PLXNA4: variants seen among roughly 807,000 people sequenced by gnomAD.
PLXNA4 encodes the protein plexin-A4.
Under a neutral mutation model 191.8 loss-of-function variants are expected in PLXNA4, and 44 were observed. The ratio of observed to expected loss-of-function variants is 0.23; its 90% CI spans 0.18 to 0.29. The LOEUF is 0.29. Among genes scored for constraint, PLXNA4 ranks in the 10% least tolerant of loss-of-function variants. The pLI is 1.00. For missense variants in PLXNA4, 1,800 were observed against 2,488.8 expected (o/e 0.72, Z 5.89); for synonymous variants, 1,082 against 1,009.5 (o/e 1.07, Z -1.36).
intron 12 of PLXNA4, among the ~76,000 whole-genome samples, chr7:132,200,638 T>A (rs1797402916): frequency 6.6e-6 from 1 of 152,214 alleles, no homozygotes; most frequent in African/African-American, 2.4e-5. Context: ...CCCAAGGGGC[T>A]GCTTTGCTGG....
Position 132,181,568 on chromosome 7 carries a change from G to A in PLXNA4, c.3305C>T (p.Ala1102Val), listed in dbSNP as rs1334269137. Reference protein sequence around the residue: ...TEMTCQAPALALGPDHQSDLT... With the variant: ...TEMTCQAPALVLGPDHQSDLT... The stretch of plus-strand genomic sequence containing the variant: ...GTCTGACTGGTGGTCAGGACCCAGA[G>A]CGAGGGCGGGCGCCTGACAGGTCAT... Residue 1102 changes from alanine (A) to valine (V), a missense_variant, in exon 18 of 32, where the codon GCT becomes GTT. Transcript: ENST00000321063. 4.3e-6 allele frequency: 7 copies of A among 1,614,198 alleles called. No individual in the cohort carries two copies. The highest frequency in any genetic ancestry group is 1.1e-5 in the South Asian group (1 of 91,086).
intron 10 of PLXNA4, among the ~76,000 whole-genome samples, chr7:132,208,585 G>A (rs73499401): frequency 0.13 from 19,804 of 152,144 alleles, 1,361 homozygotes; most frequent in African/African-American, 0.17. Flanking sequence ...GAAGGGAGCC[G>A]CAGCTTCCAG....
chr7:132,139,458 G>A (rs1477126041), intron 30 of PLXNA4, among the ~76,000 whole-genome samples: 2 of 152,158 alleles, frequency 1.3e-5, no homozygotes, highest in Non-Finnish European at 2.9e-5. Flanking sequence ...TTCCCTCTAG[G>A]TTTCCTATAT....
In PLXNA4 at chr7:132,510,026, C is replaced by T. The variant is rs565379615; in HGVS notation, c.-86-1247G>A. Among the ~76,000 whole-genome samples, 7 of 152,312 alleles carry T rather than the reference C, an allele frequency of 4.6e-5. 1 individual carries two copies. In the South Asian group the frequency reaches 1.0e-3, roughly 23 times the overall value. On this transcript the variant is annotated intron_variant, in intron 1 of 31. Transcript: ENST00000321063. ...AATAAATAAACAAATAAATACAAAA[C>T]TCCCCGAGGAACAAGATCACTCCCC... is the stretch of plus-strand genomic sequence containing the variant.
chr7:132,148,600 G>A lies in PLXNA4; in HGVS notation c.4707C>T (p.Asp1569=). The A allele has an allele frequency of 6.2e-7, 1 of 1,614,140 alleles. No homozygotes were observed. Among genetic ancestry groups the A allele is most frequent in the Admixed American group, 1.7e-5 (1 of 60,010 alleles). ...SGARMILQDE[D]ITTKIENDWK... The stretch of plus-strand genomic sequence containing the variant: ...AATCATTCTCAATCTTGGTGGTGAT[G>A]TCTTCATCCTGCAAGATCATCCTTG... The change falls in exon 26 of 32, where the codon GAC becomes GAT. Residue 1569 remains aspartate, a synonymous_variant. Transcript: ENST00000321063.
At chr7:132,604,282 GA>G (rs1200518703) in intron 2 of PLXNA4, among the ~76,000 whole-genome samples, 1 of 152,174 alleles carries the variant, frequency 6.6e-6, no homozygotes, top group African/African-American at 2.4e-5. Context: ...AGCTGATGGG[GA>G]CCCTGTGCTC....
At chr7:132,562,093 C>T (rs1801176741) in intron 1 of PLXNA4, among the ~76,000 whole-genome samples, 1 of 109,186 alleles carries the variant, frequency 9.2e-6, no homozygotes, top group Non-Finnish European at 1.8e-5. Context: ...TCTCCCTCCT[C>T]CTTTCTCCTC....
chr7:132,625,235 G>A (rs1803347567), intron 2 of PLXNA4, among the ~76,000 whole-genome samples: 1 of 152,128 alleles, frequency 6.6e-6, no homozygotes, highest in African/African-American at 2.4e-5. Flanking sequence ...TCTGGGTTGA[G>A]AGTCATGCAA....
intron 24 of PLXNA4, among the ~76,000 whole-genome samples, chr7:132,160,019 AG>A (rs1478267567): frequency 3.3e-5 from 5 of 152,162 alleles, no homozygotes; most frequent in Non-Finnish European, 7.3e-5. Context: ...TGCATACAGG[AG>A]GCAGTGTCTC....
chr7:132,442,816 C>T (rs143640006), intron 3 of PLXNA4, among the ~76,000 whole-genome samples: 5 of 152,194 alleles, frequency 3.3e-5, no homozygotes, highest in Admixed American at 6.5e-5. Flanking sequence ...TCTGTCTCTG[C>T]GATTTACCTT....
intron 3 of PLXNA4, among the ~76,000 whole-genome samples, chr7:132,368,476 C>T (rs1355250894): frequency 6.6e-6 from 1 of 152,152 alleles, no homozygotes; most frequent in East Asian, 1.9e-4. Context: ...CTAAGCCCAG[C>T]TGGCAGGAAC....
chr7:132,259,642 A>C (rs930785196), intron 4 of PLXNA4, among the ~76,000 whole-genome samples: 1 of 152,152 alleles, frequency 6.6e-6, no homozygotes, highest in East Asian at 1.9e-4. Flanking sequence ...GGGGCGGTCC[A>C]TCCACTACCC....
chr7:132,280,919 ATATT>A (rs1000934183), intron 4 of PLXNA4, among the ~76,000 whole-genome samples: 5 of 151,968 alleles, frequency 3.3e-5, no homozygotes, highest in African/African-American at 9.7e-5. Flanking sequence ...CAATGCACAT[ATATT>A]TATTTATAAA....
intron 2 of PLXNA4, among the ~76,000 whole-genome samples, chr7:132,630,774 T>G (rs1297572161): frequency 2.0e-5 from 3 of 152,142 alleles, no homozygotes; most frequent in African/African-American, 7.2e-5. Context: ...GCCTCCCAAA[T>G]AGCTGGGATT....
rs539551243 is a variant in PLXNA4 at position 132,381,937 on chromosome 7, C to T, written c.1372-83715G>A. Among the ~76,000 whole-genome samples the T allele has an allele frequency of 2.6e-4, 40 of 152,272 alleles. No homozygotes were observed. The East Asian group carries it at 6.6e-3, about 25-fold the overall frequency. On this transcript the variant is annotated intron_variant, in intron 3 of 31. Coordinates refer to ENST00000321063, the MANE Select transcript of PLXNA4 (RefSeq NM_020911.2). ...CCCGCAGGCTTCCTGATGTGAGAGA[C>T]GATTCCCACCAGAACTGTTAGTCAT... is the stretch of plus-strand genomic sequence containing the variant.
chr7:132,206,471 T>TGTGTGC lies in PLXNA4; in HGVS notation c.2299-3053_2299-3052insGCACAC, dbSNP rs563340948. On this transcript the variant is annotated intron_variant, in intron 10 of 31. Transcript: ENST00000321063. ...GTGTGTGTGTGTGTGTGTGTGTGTGTGCGCATGTGTGCAAGCATAAATTTT... is the reference window on the plus strand; with the variant it reads ...GTGTGTGTGTGTGTGTGTGTGTGTGTGTGTGCGCGCATGTGTGCAAGCATAAATTTT... Among the ~76,000 whole-genome samples the TGTGTGC allele has an allele frequency of 1.3e-3, 189 of 148,922 alleles. 1 individual carries two copies. The highest frequency in any genetic ancestry group is 6.5e-3 in the South Asian group (30 of 4,638).
intron 24 of PLXNA4, among the ~76,000 whole-genome samples, chr7:132,161,182 A>G (rs1283764259): frequency 6.6e-6 from 1 of 152,232 alleles, no homozygotes; most frequent in Non-Finnish European, 1.5e-5. Flanking sequence ...CCAAGACAGC[A>G]ACACAGCTTG....
At chr7:132,584,511 A>G (rs1802470250) in intron 2 of PLXNA4, among the ~76,000 whole-genome samples, 1 of 152,252 alleles carries the variant, frequency 6.6e-6, no homozygotes, top group Non-Finnish European at 1.5e-5. Context: ...CACTAAAATT[A>G]CCATACATCC....
intron 5 of PLXNA4, among the ~76,000 whole-genome samples, chr7:132,236,023 G>A (rs1798688952): frequency 6.6e-6 from 1 of 152,188 alleles, no homozygotes; most frequent in African/African-American, 2.4e-5. Flanking sequence ...CAGGGTCAGG[G>A]GCTGCAAAAG....
Sources: allele counts gnomAD v4.1 joint callset (sites outside exome capture counted in the v4.1 genomes callset), GRCh38; gene constraint gnomAD v4.1.1; transcripts MANE v1.5; gene names NCBI Gene and HGNC (gene_info 2026-07-23, HGNC 2026-07-21).